Variants in SPHKAP observed in about 807,000 individuals in gnomAD.
The protein encoded by SPHKAP is A-kinase anchor protein SPHKAP.
SPHKAP carries 67 observed loss-of-function variants against 137.5 expected under a neutral mutation model. That is an observed-to-expected ratio of 0.49 (90% CI 0.40 to 0.60). The LOEUF (loss-of-function observed/expected upper bound fraction) is 0.60. SPHKAP is among the 20% of genes least tolerant of loss of function. The probability of loss-of-function intolerance (pLI) is 0.00; values close to 1 mark genes in which losing one functional copy is unlikely to be tolerated. For synonymous variants in SPHKAP, 813 were observed against 785.3 expected, an observed-to-expected ratio of 1.04 and a Z score of -0.59; for missense variants, 2,097 against 2,069.3, an observed-to-expected ratio of 1.01 and a Z score of -0.26.
At chr2:228,150,513 C>T (rs903670370) in intron 1 of SPHKAP, among the ~76,000 whole-genome samples, 13 of 152,002 alleles carry the variant, frequency 8.6e-5, no homozygotes, top group African/African-American at 2.9e-4. Flanking sequence ...TATATTTGTA[C>T]TCAAAATTGC....
chr2:228,129,342 T>G (rs1699174660), intron 2 of SPHKAP, among the ~76,000 whole-genome samples: 1 of 152,212 alleles, frequency 6.6e-6, no homozygotes, highest in Non-Finnish European at 1.5e-5. Context: ...TCCAATAATG[T>G]GAAGTAGAGT....
At chr2:228,086,575 T>A (rs568534500) in intron 3 of SPHKAP, among the ~76,000 whole-genome samples, 1 of 152,276 alleles carries the variant, frequency 6.6e-6, no homozygotes, top group South Asian at 2.1e-4. Flanking sequence ...ACCCTAGATA[T>A]TTCAGGATAA....
At position 228,023,969 on chromosome 2, in the gene SPHKAP, G is replaced by A. The variant is rs935347355; in HGVS notation, c.441+1425C>T. Among the ~76,000 whole-genome samples, 8 of 152,258 alleles carry A rather than the reference G, an allele frequency of 5.3e-5. No homozygotes were observed. The South Asian group carries it at 8.3e-4, about 16-fold the overall frequency. Reference sequence around the variant, plus strand: ...AATGACGTCCCATTCACTCTTTCCCGACTTGAACCCAAAAAGATATTGCTT... The same window carrying A: ...AATGACGTCCCATTCACTCTTTCCCAACTTGAACCCAAAAAGATATTGCTT... On this transcript the variant is annotated intron_variant, in intron 5 of 11. Transcript: ENST00000392056.
At chr2:228,036,207 C>G (rs1276026717) in intron 3 of SPHKAP, among the ~76,000 whole-genome samples, 13 of 151,200 alleles carry the variant, frequency 8.6e-5, no homozygotes, top group Admixed American at 8.6e-4. Flanking sequence ...ACAACCCCAT[C>G]AAAAAGTGGG....
Position 228,036,476 on chromosome 2 carries a change from C to G in SPHKAP, c.247-8933G>C, listed in dbSNP as rs1476977852. 2.6e-5 allele frequency among the ~76,000 whole-genome samples: 4 copies of G among 152,278 alleles called. No individual in the cohort carries two copies. The East Asian group carries it at 7.7e-4, about 29-fold the overall frequency. ...CAACCATTGTGGAAGACAGTGTGTCCATTCCTCAGGGATCTAGAACTAGAA... is the reference window on the plus strand; with the variant it reads ...CAACCATTGTGGAAGACAGTGTGTCGATTCCTCAGGGATCTAGAACTAGAA... On this transcript the variant is annotated intron_variant, in intron 3 of 11. Transcript: ENST00000392056.
chr2:228,040,100 C>T (rs1695781281), intron 3 of SPHKAP, among the ~76,000 whole-genome samples: 1 of 152,098 alleles, frequency 6.6e-6, no homozygotes, highest in South Asian at 2.1e-4. Context: ...TAACCAAAAG[C>T]ATGATGTCAA....
At position 228,027,547 on chromosome 2, in the gene SPHKAP, G is replaced by A; in HGVS notation, c.247-4C>T. On this transcript the variant is annotated splice_region_variant and splice_polypyrimidine_tract_variant and intron_variant, in intron 3 of 11. Coordinates refer to ENST00000392056, the MANE Select transcript of SPHKAP (RefSeq NM_001142644.2). The stretch of plus-strand genomic sequence containing the variant: ...CATCAAGATTCACAAAGCAGACCTG[G>A]GAAAAGAGGGCAAAAATAGTACGTT... 1.9e-6 allele frequency: 3 copies of A among 1,613,686 alleles called. No homozygotes were observed. The highest frequency in any genetic ancestry group is 2.5e-6 in the Non-Finnish European group (3 of 1,179,852).
chr2:228,127,591 A>C (rs1005983378), intron 2 of SPHKAP, among the ~76,000 whole-genome samples: 5 of 152,218 alleles, frequency 3.3e-5, no homozygotes, highest in African/African-American at 1.2e-4. Context: ...ACTAATTTGC[A>C]GCAGCCCTTT....
intron 1 of SPHKAP, among the ~76,000 whole-genome samples, chr2:228,147,108 A>G (rs1020384768): frequency 1.3e-5 from 2 of 152,344 alleles, no homozygotes; most frequent in East Asian, 1.9e-4. Context: ...TATCTGATTC[A>G]CTATTGAACT....
intron 3 of SPHKAP, among the ~76,000 whole-genome samples, chr2:228,082,457 G>GTTT (rs372868288): frequency 9.3e-3 from 1 of 108 alleles, no homozygotes; most frequent in Non-Finnish European, 0.024. Context: ...AGTAGATAAA[G>GTTT]TTGTTATTAA....
intron 3 of SPHKAP, among the ~76,000 whole-genome samples, chr2:228,104,355 T>G (rs1050111522): frequency 1.4e-5 from 2 of 145,924 alleles, no homozygotes; most frequent in Non-Finnish European, 3.0e-5. Flanking sequence ...TAATATTAAA[T>G]AATAATATAA....
chr2:228,080,257 G>T (rs1268872817), intron 3 of SPHKAP, among the ~76,000 whole-genome samples: 1 of 151,816 alleles, frequency 6.6e-6, no homozygotes, highest in Non-Finnish European at 1.5e-5. Flanking sequence ...AATATATAAA[G>T]AACTCAAACA....
chr2:228,070,587 T>C (rs558772013), intron 3 of SPHKAP, among the ~76,000 whole-genome samples: 1 of 152,170 alleles, frequency 6.6e-6, no homozygotes, highest in Non-Finnish European at 1.5e-5. Flanking sequence ...CCTGCCACAC[T>C]GTCTAATGTC....
chr2:228,017,970 A>G lies in SPHKAP; in HGVS notation c.2884T>C (p.Trp962Arg), dbSNP rs1333348873. ...SSGKQPWFCA[W>R]KRGSEFLMTP... is the part of the protein sequence containing the mutation. ...ATCAGAAACTCACTCCCTCTTTTCC[A>G]TGCACAAAACCAGGGTTGTTTTCCA... Residue 962 changes from tryptophan (W) to arginine (R), a missense_variant, in exon 7 of 12, where the codon TGG (tryptophan) becomes CGG (arginine). Coordinates refer to ENST00000392056, the MANE Select transcript of SPHKAP (RefSeq NM_001142644.2). 6.2e-7 allele frequency: 1 copy of G among 1,614,060 alleles called. No homozygotes were observed.
chr2:228,152,155 C>T (rs1339384664), intron 1 of SPHKAP, among the ~76,000 whole-genome samples: 1 of 152,124 alleles, frequency 6.6e-6, no homozygotes, highest in Non-Finnish European at 1.5e-5. Flanking sequence ...TGGCCAATTT[C>T]TGTAAATGTT....
intron 2 of SPHKAP, among the ~76,000 whole-genome samples, chr2:228,121,045 G>A (rs1024352752): frequency 6.6e-6 from 1 of 152,186 alleles, no homozygotes; most frequent in African/African-American, 2.4e-5. Context: ...AAACACACAT[G>A]TAGGAAAATA....
intron 1 of SPHKAP, among the ~76,000 whole-genome samples, chr2:228,179,497 A>C (rs1199546513): frequency 6.6e-6 from 1 of 152,218 alleles, no homozygotes; most frequent in Non-Finnish European, 1.5e-5. Context: ...AGAGGATTGA[A>C]TCAACTCATG....
At chr2:228,038,052 G>A (rs550370175) in intron 3 of SPHKAP, among the ~76,000 whole-genome samples, 13 of 152,226 alleles carry the variant, frequency 8.5e-5, no homozygotes. Context: ...TTGATGAGGA[G>A]ACTGAACGTT....
At chr2:228,053,841 T>G in intron 3 of SPHKAP, among the ~76,000 whole-genome samples, 1 of 152,178 alleles carries the variant, frequency 6.6e-6, no homozygotes, top group African/African-American at 2.4e-5. Context: ...ATTTCACATC[T>G]CTCATCCATT....
Sources: allele counts gnomAD v4.1 joint callset (sites outside exome capture counted in the v4.1 genomes callset), GRCh38; gene constraint gnomAD v4.1.1; transcripts MANE v1.5; gene names NCBI Gene and HGNC (gene_info 2026-07-23, HGNC 2026-07-21).